Variants in TTC17 observed in about 807,000 individuals in gnomAD.
TTC17 encodes the protein tetratricopeptide repeat domain 17.
In TTC17, 58 loss-of-function variants were observed where a neutral mutation model predicts 143.8. The ratio of observed to expected loss-of-function variants is 0.40; its 90% CI spans 0.33 to 0.50. The LOEUF (loss-of-function observed/expected upper bound fraction) is 0.50, where lower values mean the gene tolerates loss of function less well. TTC17 is among the 20% of genes least tolerant of loss of function. TTC17 has a pLI of 0.49. For missense variants in TTC17, 1,273 were observed against 1,392.5 expected (o/e 0.91, Z 1.37); for synonymous variants, 501 against 497.8 (o/e 1.01, Z -0.09).
At chr11:43,476,977 G>T (rs1948196797) in intron 21 of TTC17, among the ~76,000 whole-genome samples, 1 of 152,118 alleles carries the variant, frequency 6.6e-6, no homozygotes, top group Non-Finnish European at 1.5e-5. Flanking sequence ...AAAACTGAAT[G>T]CCTTTAACAG....
chr11:43,413,450 A>T (rs1445825282), intron 15 of TTC17, among the ~76,000 whole-genome samples: 1 of 152,240 alleles, frequency 6.6e-6, no homozygotes. Context: ...AAAAAGCACT[A>T]ATTATAAAAG....
chr11:43,466,056 A>C (rs1012661422), intron 21 of TTC17, among the ~76,000 whole-genome samples: 1 of 152,222 alleles, frequency 6.6e-6, no homozygotes, highest in Non-Finnish European at 1.5e-5. Context: ...AATATTTCCA[A>C]ATTATATAAA....
chr11:43,440,280 C>T (rs762884232), intron 16 of TTC17, among the ~76,000 whole-genome samples: 4 of 152,122 alleles, frequency 2.6e-5, no homozygotes, highest in Non-Finnish European at 5.9e-5. Flanking sequence ...CAGCACATTG[C>T]TAGATACAGC....
At chr11:43,441,361 T>G (rs1166690281) in intron 16 of TTC17, among the ~76,000 whole-genome samples, 1 of 152,116 alleles carries the variant, frequency 6.6e-6, no homozygotes, top group African/African-American at 2.4e-5. Flanking sequence ...GTAGTCCGCC[T>G]TTCTCTAAGA....
At chr11:43,373,898 T>A (rs1156802644) in intron 1 of TTC17, among the ~76,000 whole-genome samples, 1 of 152,224 alleles carries the variant, frequency 6.6e-6, no homozygotes, top group East Asian at 1.9e-4. Flanking sequence ...GGGAAGATGA[T>A]CTGTTTAAAG....
chr11:43,434,014 A>T (rs2134691651), intron 16 of TTC17, among the ~76,000 whole-genome samples: 1 of 152,252 alleles, frequency 6.6e-6, no homozygotes, highest in Non-Finnish European at 1.5e-5. Context: ...TAATGCTCTT[A>T]TGTTTAGCTC....
At chr11:43,375,403 A>G (rs1480015655) in intron 1 of TTC17, among the ~76,000 whole-genome samples, 2 of 152,332 alleles carry the variant, frequency 1.3e-5, no homozygotes, top group Non-Finnish European at 2.9e-5. Context: ...TTTTACATAG[A>G]GGCAAAATCT....
At chr11:43,438,618 C>A (rs185098529) in intron 16 of TTC17, among the ~76,000 whole-genome samples, 1 of 152,302 alleles carries the variant, frequency 6.6e-6, no homozygotes, top group Non-Finnish European at 1.5e-5. Flanking sequence ...ATTGATATTA[C>A]TCATGCAAGA....
intron 21 of TTC17, among the ~76,000 whole-genome samples, chr11:43,463,161 G>T (rs766211366): frequency 6.6e-6 from 1 of 151,832 alleles, no homozygotes; most frequent in Non-Finnish European, 1.5e-5. Flanking sequence ...TGATCCACCC[G>T]CCTCAGCCTC....
Position 43,389,803 on chromosome 11 carries a change from T to C in TTC17, c.401T>C (p.Leu134Ser). Residue 134 changes from leucine (L) to serine (S), a missense_variant, in exon 3 of 24, where the codon TTG (leucine) becomes TCG (serine). Around this residue, in one of 3 missense-constraint regions of TTC17, gnomAD observed 325 missense variants for 444.2 expected, o/e 0.73. Coordinates refer to ENST00000039989, the MANE Select transcript of TTC17 (RefSeq NM_018259.6). ...CTATATGATGGCACATACATAACTT[T>C]GGAGAGCAAAGACATCAGGTAAAGA... ...LDLYDGTYIT[L>S]ESKDISPEDY... 1 of 1,603,352 alleles carries C rather than the reference T, an allele frequency of 6.2e-7. No homozygotes were observed. Among genetic ancestry groups the C allele is most frequent in the Non-Finnish European group, 8.5e-7 (1 of 1,177,038 alleles).
chr11:43,396,643 C>T (rs1590351688), intron 5 of TTC17, 66 bp from the exon 6 acceptor site: 1 of 865,760 alleles, frequency 1.2e-6, no homozygotes, highest in Non-Finnish European at 1.8e-6. Flanking sequence ...TAAAGGTGCT[C>T]CTTTTGAGTA....
intron 9 of TTC17, among the ~76,000 whole-genome samples, chr11:43,400,917 A>G (rs1177763426): frequency 1.3e-5 from 2 of 149,868 alleles, no homozygotes; most frequent in African/African-American, 4.9e-5. Flanking sequence ...CTTGATAAGT[A>G]TGTTGGTCAA....
chr11:43,389,742 T>A lies in TTC17; in HGVS notation c.340T>A (p.Cys114Ser). The A allele has an allele frequency of 6.2e-7, 1 of 1,614,140 alleles. No individual in the cohort carries two copies. The highest frequency in any genetic ancestry group is 8.5e-7 in the Non-Finnish European group (1 of 1,180,000). The change falls in exon 3 of 24, where the codon TGC (cysteine) becomes AGC (serine). Residue 114 changes from cysteine (C) to serine (S), a missense_variant. Cys to Ser is a moderately radical substitution (Grantham distance 112). Coordinates refer to ENST00000039989, the MANE Select transcript of TTC17 (RefSeq NM_018259.6). ...EQRHNKEDPD[C>S]IKAKVPLGDL... ...GAGACATAATAAAGAAGACCCAGAC[T>A]GCATCAAAGCCAAGGTGCCCTTAGG...
At chr11:43,493,579 C>T (rs1209343577) in intron 23 of TTC17, among the ~76,000 whole-genome samples, 194 bp from the exon 24 acceptor site, 1 of 152,096 alleles carries the variant, frequency 6.6e-6, no homozygotes, top group African/African-American at 2.4e-5. Flanking sequence ...ATACCTCATT[C>T]CCATACCTCG....
rs1349137094 is a variant in TTC17, at chr11:43,398,033, T to A, written c.978T>A (p.Pro326=). ...ATGACCACGCTTTGCAGGCCAGACC[T>A]GGGTTTGAGCAAGCTATAAAGAGGA... ...LCYDHALQAR[P]GFEQAIKRKH... Residue 326 remains proline (P), a synonymous_variant, in exon 8 of 24, where the codon CCT becomes CCA. Coordinates refer to ENST00000039989, the MANE Select transcript of TTC17 (RefSeq NM_018259.6). The A allele has an allele frequency of 3.1e-6, 5 of 1,613,694 alleles. No homozygotes were observed. Among genetic ancestry groups the A allele is most frequent in the Non-Finnish European group, 4.2e-6 (5 of 1,179,990 alleles).
intron 23 of TTC17, 24 bp downstream of exon 23, chr11:43,492,187 T>C: frequency 6.2e-7 from 1 of 1,611,724 alleles, no homozygotes. Context: ...GTGAGCAGTA[T>C]GTACCAACTC....
intron 13 of TTC17, 71 bp from the exon 14 acceptor site, chr11:43,407,067 T>C: frequency 1.3e-5 from 13 of 1,028,770 alleles, no homozygotes; most frequent in Non-Finnish European, 1.9e-5. Flanking sequence ...AAGACTGCCA[T>C]CTATAGAAAT....
Position 43,391,790 on chromosome 11 carries a change from T to A in TTC17, c.532-31T>A, listed in dbSNP as rs1241987803. On this transcript the variant is annotated intron_variant, in intron 4 of 23. Transcript: ENST00000039989. Reference sequence around the variant, plus strand: ...ATTTGTCATCTTTTATATCCTTTGATATGTCTTTTGAATCTTTTTCTTCTC... The same window carrying A: ...ATTTGTCATCTTTTATATCCTTTGAAATGTCTTTTGAATCTTTTTCTTCTC... The A allele has an allele frequency of 4.4e-6, 7 of 1,605,310 alleles. No individual in the cohort carries two copies. The East Asian group carries it at 1.6e-4, about 36-fold the overall frequency.
intron 5 of TTC17, among the ~76,000 whole-genome samples, chr11:43,394,679 CTA>C (rs1369643880): frequency 6.6e-6 from 1 of 152,058 alleles, no homozygotes. Flanking sequence ...TTCGAAATAC[CTA>C]TATGAGTTTG....
Sources: allele counts gnomAD v4.1 joint callset (sites outside exome capture counted in the v4.1 genomes callset), GRCh38; gene constraint gnomAD v4.1.1; regional missense constraint gnomAD v4.1.1; transcripts MANE v1.5; gene names NCBI Gene and HGNC (gene_info 2026-07-23, HGNC 2026-07-21).